NDST3: variants seen among roughly 807,000 people sequenced by gnomAD.
The protein encoded by NDST3 is N-deacetylase and N-sulfotransferase 3.
A neutral mutation model predicts 96.1 loss-of-function variants in NDST3; 58 were observed. The ratio of observed to expected loss-of-function variants is 0.60; its 90% confidence interval spans 0.49 to 0.75. The LOEUF (loss-of-function observed/expected upper bound fraction) is 0.75, where lower values mean the gene tolerates loss of function less well. Ranked by LOEUF, NDST3 falls within the 30% of genes least tolerant of loss-of-function variation. NDST3 has a pLI of 0.00. For synonymous variants in NDST3, 333 were observed against 359.7 expected, an observed-to-expected ratio of 0.93 and a Z score of 0.84; for missense variants, 788 against 1,034.2, an observed-to-expected ratio of 0.76 and a Z score of 3.27.
chr4:118,234,573 A>G (rs1420751969), intron 9 of NDST3, among the ~76,000 whole-genome samples: 3 of 152,158 alleles, frequency 2.0e-5, no homozygotes. Context: ...ATGTATTAGT[A>G]TTACATTCCT....
chr4:118,139,783 C>G lies in NDST3; in HGVS notation c.1410+1544C>G, dbSNP rs181688340. On this transcript the variant is annotated intron_variant, in intron 5 of 13. Coordinates refer to ENST00000296499, the MANE Select transcript of NDST3 (RefSeq NM_004784.3). ...TTCAAACATCATTCTATCCCCCTACCACCACTTCCAATCAGTGTCTATATT... is the reference window on the plus strand; with the variant it reads ...TTCAAACATCATTCTATCCCCCTACGACCACTTCCAATCAGTGTCTATATT... Among the ~76,000 whole-genome samples the G allele has an allele frequency of 2.4e-4, 36 of 152,266 alleles. 1 individual carries two copies. The East Asian group carries it at 6.9e-3, about 29-fold the overall frequency.
chr4:118,219,385 C>A (rs940290844), intron 6 of NDST3, among the ~76,000 whole-genome samples: 2 of 152,042 alleles, frequency 1.3e-5, no homozygotes, highest in African/African-American at 4.8e-5. Flanking sequence ...GAAATAACAC[C>A]ATACATCTAC....
At chr4:118,121,362 C>T (rs1329947016) in intron 4 of NDST3, among the ~76,000 whole-genome samples, 1 of 152,100 alleles carries the variant, frequency 6.6e-6, no homozygotes, top group Non-Finnish European at 1.5e-5. Context: ...TAAATTGAAA[C>T]ATCATATCTA....
upstream of NDST3, chr4:118,033,644 C>A (rs1043612466): frequency 6.6e-6 from 1 of 151,658 alleles, no homozygotes; most frequent in African/African-American, 2.4e-5. Flanking sequence ...CGCGGCCGGG[C>A]GGGTCCCAGG....
intron 12 of NDST3, among the ~76,000 whole-genome samples, chr4:118,244,851 CTT>C (rs1446092028): frequency 2.0e-5 from 3 of 152,044 alleles, no homozygotes; most frequent in Non-Finnish European, 4.4e-5. Flanking sequence ...CTTAAAATGA[CTT>C]ATTACTGTTA....
chr4:118,253,513 A>G lies in NDST3; in HGVS notation c.2414A>G (p.Lys805Arg), dbSNP rs1741900197. 1 of 1,607,770 alleles carries G rather than the reference A, an allele frequency of 6.2e-7. No homozygotes were observed. The highest frequency in any genetic ancestry group is 8.5e-7 in the Non-Finnish European group (1 of 1,177,066). Residue 805 changes from lysine to arginine, a missense_variant, in exon 13 of 14, where the codon AAA (lysine) becomes AGA (arginine). Physicochemically the swap from Lys to Arg is conservative, Grantham distance 26. This residue lies in a region of NDST3 where 490 missense variants were observed against 708.8 expected (regional missense o/e 0.69). Coordinates refer to ENST00000296499, the MANE Select transcript of NDST3 (RefSeq NM_004784.3). ...YSEALTFDSH[K>R]GFWCQLLEEG... Reference sequence around the variant, plus strand: ...TTTTTTTTTAGGTTTGATTCTCATAAAGGTTTCTGGTGTCAGTTACTGGAA... The same window carrying G: ...TTTTTTTTTAGGTTTGATTCTCATAGAGGTTTCTGGTGTCAGTTACTGGAA...
chr4:118,223,904 A>G (rs1334925935), intron 6 of NDST3, among the ~76,000 whole-genome samples: 8 of 152,144 alleles, frequency 5.3e-5, no homozygotes, highest in African/African-American at 1.9e-4. Context: ...ACCAGCAAAA[A>G]TTATCTGCAT....
chr4:118,150,703 G>C (rs1249505613), intron 6 of NDST3, among the ~76,000 whole-genome samples: 4 of 151,512 alleles, frequency 2.6e-5, no homozygotes, highest in South Asian at 4.2e-4. Flanking sequence ...TCTCACACCA[G>C]TTAGAATAGC....
chr4:118,098,447 T>C (rs796192660), intron 2 of NDST3, among the ~76,000 whole-genome samples: 1 of 152,002 alleles, frequency 6.6e-6, no homozygotes, highest in Non-Finnish European at 1.5e-5. Flanking sequence ...AGCATATGCA[T>C]AACAATTTCA....
intron 2 of NDST3, among the ~76,000 whole-genome samples, chr4:118,084,367 A>C (rs1728256111): frequency 6.6e-6 from 1 of 152,206 alleles, no homozygotes; most frequent in Admixed American, 6.5e-5. Flanking sequence ...TTTTAAAAAA[A>C]TAGTATCCAC....
intron 6 of NDST3, among the ~76,000 whole-genome samples, chr4:118,190,801 C>G (rs1050747612): frequency 6.6e-6 from 1 of 152,126 alleles, no homozygotes; most frequent in Admixed American, 6.5e-5. Flanking sequence ...AACCCAGAGG[C>G]TCTGAACCAA....
Position 118,255,806 on chromosome 4 carries a change from T to A in NDST3, c.*94T>A. ...CCAAAAGGCAGTTGAAAAATATACC[T>A]CTTCAAATGAGAAAAAAGAACAGTT... On this transcript the variant is annotated 3_prime_UTR_variant, in exon 14 of 14. Transcript: ENST00000296499. 7.6e-7 allele frequency: 1 copy of A among 1,311,592 alleles called. No homozygotes were observed. The highest frequency in any genetic ancestry group is 1.0e-6 in the Non-Finnish European group (1 of 978,374). The allele number at this position is 1,311,592 out of a possible 1,614,324, so 81.2% of individuals were successfully genotyped here.
Position 118,066,019 on chromosome 4 carries a change from AAATAAT to A in NDST3, c.981+11137_981+11142del, listed in dbSNP as rs573966046. On this transcript the variant is annotated intron_variant, in intron 2 of 13. Coordinates refer to ENST00000296499, the MANE Select transcript of NDST3 (RefSeq NM_004784.3). ...GCACTGAACAAAGATCTATCCTCAAAAATAATAATAATAAGTTCTTCACTATTCTTT... is the reference window on the plus strand; with the variant it reads ...GCACTGAACAAAGATCTATCCTCAAAAATAATAAGTTCTTCACTATTCTTT... Among the ~76,000 whole-genome samples, 138 of 136,756 alleles carry A rather than the reference AAATAAT, an allele frequency of 1.0e-3. 1 individual carries two copies. The highest frequency in any genetic ancestry group is 1.9e-3 in the South Asian group (9 of 4,624). 89.7% of individuals were successfully genotyped at this position (136,756 alleles called of 152,430 possible).
chr4:118,189,685 TAAGA>T lies in NDST3; in HGVS notation c.1540-34801_1540-34798del, dbSNP rs200050698. Among the ~76,000 whole-genome samples the T allele has an allele frequency of 8.7e-3, 1,330 of 152,304 alleles. 13 individuals carry two copies. The highest frequency in any genetic ancestry group is 0.014 in the Non-Finnish European group (931 of 68,018). On this transcript the variant is annotated intron_variant, in intron 6 of 13. Transcript: ENST00000296499. Reference sequence around the variant, plus strand: ...GACTCAGTTTTCCAACCAAACGACCTAAGAAAGATAGCCTGAGACAGAATGTCTC... The same window carrying T: ...GACTCAGTTTTCCAACCAAACGACCTAAGATAGCCTGAGACAGAATGTCTC...
At chr4:118,098,156 A>C (rs1224796024) in intron 2 of NDST3, among the ~76,000 whole-genome samples, 1 of 151,976 alleles carries the variant, frequency 6.6e-6, no homozygotes, top group African/African-American at 2.4e-5. Context: ...CTGCAATAAC[A>C]GTAAGTGGAT....
intron 8 of NDST3, among the ~76,000 whole-genome samples, chr4:118,229,304 A>C (rs1450116363): frequency 6.6e-6 from 1 of 152,186 alleles, no homozygotes; most frequent in Non-Finnish European, 1.5e-5. Context: ...CATCTCAAAA[A>C]ATAAAAAGTA....
At chr4:118,126,519 T>TATATATATATATATATACAC (rs1732085711) in intron 4 of NDST3, among the ~76,000 whole-genome samples, 4 of 29,268 alleles carry the variant, frequency 1.4e-4, no homozygotes, top group African/African-American at 2.7e-4. Context: ...TATGTGTATA[T>TATATATATATATATATACAC]ATATATATAT....
At chr4:118,220,438 T>C (rs1169129050) in intron 6 of NDST3, among the ~76,000 whole-genome samples, 1 of 151,228 alleles carries the variant, frequency 6.6e-6, no homozygotes, top group Non-Finnish European at 1.5e-5. Flanking sequence ...AACAACACAC[T>C]GAGGCCAGTT....
chr4:118,078,635 G>A (rs879531256), intron 2 of NDST3, among the ~76,000 whole-genome samples: 2 of 151,932 alleles, frequency 1.3e-5, no homozygotes, highest in Non-Finnish European at 2.9e-5. Context: ...TGTAATCCCA[G>A]CTACTCAGGA....
Sources: gnomAD v4.1 joint callset for allele counts (sites outside exome capture counted in the v4.1 genomes callset) on GRCh38, gnomAD v4.1.1 for gene constraint, gnomAD v4.1.1 regional missense constraint, MANE v1.5 for transcripts, NCBI Gene and HGNC (gene_info 2026-07-23, HGNC 2026-07-21) for gene names.